The following ZBTB16 variants were observed in gnomAD, a reference collection of about 807,000 sequenced individuals.
ZBTB16 encodes zinc finger and BTB domain containing 16.
Under a neutral mutation model 56.8 loss-of-function variants are expected in ZBTB16, and 8 were observed. That is an observed-to-expected ratio of 0.14 (90% CI 0.08 to 0.25). The LOEUF is 0.25. Ranked by LOEUF, ZBTB16 falls within the 10% of genes least tolerant of loss-of-function variation. The pLI, the probability that ZBTB16 is intolerant of heterozygous loss-of-function variation, is 1.00. For missense variants in ZBTB16, 625 were observed against 903.0 expected (o/e 0.69, Z 3.95); for synonymous variants, 363 against 368.5 (o/e 0.98, Z 0.17).
chr11:114,065,646 C>T (rs1939087991), intron 2 of ZBTB16, among the ~76,000 whole-genome samples: 1 of 152,192 alleles, frequency 6.6e-6, no homozygotes, highest in East Asian at 1.9e-4. Context: ...GAACTCCCGA[C>T]CTCAGGTGAT....
At chr11:114,117,128 T>C (rs1941196510) in intron 2 of ZBTB16, among the ~76,000 whole-genome samples, 1 of 151,752 alleles carries the variant, frequency 6.6e-6, no homozygotes, top group Non-Finnish European at 1.5e-5. Flanking sequence ...CAGGTAGAGG[T>C]AACAGCACAC....
At chr11:114,077,940 A>G (rs1440695358) in intron 2 of ZBTB16, among the ~76,000 whole-genome samples, 1 of 152,192 alleles carries the variant, frequency 6.6e-6, no homozygotes, top group Non-Finnish European at 1.5e-5. Context: ...CTGTTTAACA[A>G]CCTATGAGGA....
At chr11:114,079,590 T>C (rs1939689553) in intron 2 of ZBTB16, among the ~76,000 whole-genome samples, 1 of 152,246 alleles carries the variant, frequency 6.6e-6, no homozygotes, top group Non-Finnish European at 1.5e-5. Context: ...TTGGGAATTC[T>C]TTCTGAAGTG....
At chr11:114,142,760 G>A (rs1941988616) in intron 2 of ZBTB16, among the ~76,000 whole-genome samples, 1 of 142,272 alleles carries the variant, frequency 7.0e-6, no homozygotes, top group South Asian at 2.4e-4. Context: ...GGGGCCTTGG[G>A]GAGGGGGAGC....
At chr11:114,128,957 A>G (rs1941590195) in intron 2 of ZBTB16, among the ~76,000 whole-genome samples, 1 of 152,162 alleles carries the variant, frequency 6.6e-6, no homozygotes. Flanking sequence ...AAGGAAAGGG[A>G]CAGAGACAGG....
In ZBTB16 at chr11:114,064,714, G is replaced by C; in HGVS notation, c.1268+146G>C. The stretch of plus-strand genomic sequence containing the variant: ...ACCAGAACACTTCTTCTAAAGTTCT[G>C]GCGGGGAGGGGAGCAGGTTTTTTAA... On this transcript the variant is annotated intron_variant, in intron 2 of 6. Coordinates refer to ENST00000335953, the MANE Select transcript of ZBTB16 (RefSeq NM_006006.6). This position sits in a 1 kb window ranked among gnomAD's most constrained non-coding sequence, Gnocchi z 4.2. 8.9e-7 allele frequency: 1 copy of C among 1,119,710 alleles called. No homozygotes were observed. Among genetic ancestry groups the C allele is most frequent in the Non-Finnish European group, 1.3e-6 (1 of 776,768 alleles). 69.4% of individuals were successfully genotyped at this position (1,119,710 alleles called of 1,614,324 possible).
intron 2 of ZBTB16, among the ~76,000 whole-genome samples, chr11:114,069,302 G>T (rs1939242843): frequency 6.6e-6 from 1 of 151,766 alleles, no homozygotes; most frequent in Non-Finnish European, 1.5e-5. Context: ...AGCCAGTATG[G>T]TCTCGATCTC....
intron 2 of ZBTB16, among the ~76,000 whole-genome samples, chr11:114,079,156 T>C (rs1939676451): frequency 6.6e-6 from 1 of 151,852 alleles, no homozygotes; most frequent in South Asian, 2.1e-4. Context: ...AGACTCAGGC[T>C]CCAGAATTTA....
intron 2 of ZBTB16, among the ~76,000 whole-genome samples, chr11:114,109,485 A>G (rs7933392): frequency 0.019 from 2,881 of 152,242 alleles, 83 homozygotes; most frequent in African/African-American, 0.064. Context: ...GAGTTCTCCA[A>G]GGCTGGAGTT....
At chr11:114,210,276 C>G (rs1943975066) in intron 4 of ZBTB16, among the ~76,000 whole-genome samples, 1 of 152,012 alleles carries the variant, frequency 6.6e-6, no homozygotes, top group African/African-American at 2.4e-5. Flanking sequence ...TTTCAGGAAG[C>G]ATTATTCAAA....
At chr11:114,093,435 C>T (rs984998775) in intron 2 of ZBTB16, among the ~76,000 whole-genome samples, 1 of 152,132 alleles carries the variant, frequency 6.6e-6, no homozygotes, top group African/African-American at 2.4e-5. Flanking sequence ...CTACACTCAG[C>T]CCTGCTGCTG....
intron 2 of ZBTB16, among the ~76,000 whole-genome samples, chr11:114,105,026 C>T (rs745693963): frequency 1.4e-4 from 22 of 152,218 alleles, no homozygotes; most frequent in Non-Finnish European, 2.6e-4. Flanking sequence ...GCCACCCACT[C>T]ACCTGTGGAA....
At chr11:114,101,749 T>G (rs961160398) in intron 2 of ZBTB16, among the ~76,000 whole-genome samples, 1 of 152,252 alleles carries the variant, frequency 6.6e-6, no homozygotes, top group Non-Finnish European at 1.5e-5. Context: ...GAGTGCCCAG[T>G]AAATGCTAGT....
rs1591626793 is a variant in ZBTB16 at position 114,060,002 on chromosome 11, GC to G, written c.-91+122del. The G allele has an allele frequency of 2.8e-5, 11 of 390,472 alleles. No homozygotes were observed. In the East Asian group the frequency reaches 4.0e-4, roughly 14 times the overall value. 24.2% of individuals were successfully genotyped at this position (390,472 alleles called of 1,614,324 possible). A position where few individuals can be genotyped will look rare whatever the true frequency, so the allele number is the denominator to read the frequency against. On this transcript the variant is annotated intron_variant, in intron 1 of 6. Coordinates refer to ENST00000335953, the MANE Select transcript of ZBTB16 (RefSeq NM_006006.6). This position sits in a 1 kb window ranked among gnomAD's most constrained non-coding sequence, Gnocchi z 6.0. ...TCGGCCACTCGGCCGCTGGGCTTGT[GC>G]CTTTTTTATTTGGCGTGTTCCCTTC...
At chr11:114,200,780 C>T (rs970646600) in intron 4 of ZBTB16, among the ~76,000 whole-genome samples, 2 of 152,216 alleles carry the variant, frequency 1.3e-5, no homozygotes, top group African/African-American at 4.8e-5. Context: ...CTTTATCCCT[C>T]TCTCTCCCAC....
At chr11:114,148,453 G>T (rs370114730) in intron 2 of ZBTB16, among the ~76,000 whole-genome samples, 15,371 of 53,354 alleles carry the variant, frequency 0.29, 4,814 homozygotes, top group Middle Eastern at 0.46. Context: ...CTCTCTGTCT[G>T]TCTGTCTCTC....
chr11:114,247,280 G>A lies in ZBTB16; in HGVS notation c.1707G>A (p.Thr569=). Residue 569 remains threonine (T), a synonymous_variant, in exon 6 of 7, where the codon ACG becomes ACA. Transcript: ENST00000335953. ...TCAAGAGCCACAAACGCATCCACAC[G>A]GGTGAGAAACCCTACGAGTGCAATG... The part of the protein sequence containing the change: ...STLKSHKRIH[T]GEKPYECNGC... The A allele has an allele frequency of 6.2e-7, 1 of 1,614,224 alleles. No individual in the cohort carries two copies. The highest frequency in any genetic ancestry group is 8.5e-7 in the Non-Finnish European group (1 of 1,180,030).
At chr11:114,240,245 G>A (rs1039334182) in intron 4 of ZBTB16, among the ~76,000 whole-genome samples, 2 of 152,184 alleles carry the variant, frequency 1.3e-5, no homozygotes, top group Non-Finnish European at 2.9e-5. Flanking sequence ...TGAGAGGTGG[G>A]CCTTGCCTGC....
intron 4 of ZBTB16, among the ~76,000 whole-genome samples, chr11:114,201,527 A>G (rs1943737365): frequency 6.6e-6 from 1 of 152,190 alleles, no homozygotes. Context: ...GCCTTTATGT[A>G]CCAAAGTTTC....
Sources: allele counts gnomAD v4.1 joint callset (sites outside exome capture counted in the v4.1 genomes callset), GRCh38; gene constraint gnomAD v4.1.1; non-coding constraint Gnocchi (gnomAD v3.1); transcripts MANE v1.5; gene names NCBI Gene and HGNC (gene_info 2026-07-23, HGNC 2026-07-21).